IMMP2L: variants seen among roughly 807,000 people sequenced by gnomAD.
IMMP2L encodes the protein mitochondrial inner membrane protease subunit 2.
A neutral mutation model predicts 19.3 loss-of-function variants in IMMP2L; 18 were observed. The ratio of observed to expected loss-of-function variants is 0.93; its 90% confidence interval spans 0.64 to 1.38. The LOEUF (loss-of-function observed/expected upper bound fraction) is 1.38, where lower values mean the gene tolerates loss of function less well. Ranked by LOEUF, IMMP2L falls within the 40% of genes most tolerant of loss-of-function variation. The pLI, the probability that IMMP2L is intolerant of heterozygous loss-of-function variation, is 0.00. For synonymous variants in IMMP2L, 76 were observed against 73.0 expected (o/e 1.04, Z -0.21); for missense variants, 233 against 218.2 (o/e 1.07, Z -0.43).
chr7:110,759,154 A>G (rs1011422824), intron 5 of IMMP2L, among the ~76,000 whole-genome samples: 1 of 152,082 alleles, frequency 6.6e-6, no homozygotes, highest in African/African-American at 2.4e-5. Context: ...CCTTGGAGAC[A>G]CAGCTCAAAT....
chr7:111,377,014 T>C (rs1830733857), intron 3 of IMMP2L, among the ~76,000 whole-genome samples: 1 of 152,024 alleles, frequency 6.6e-6, no homozygotes. Flanking sequence ...AGTCATTGAA[T>C]TGTATACTTC....
intron 5 of IMMP2L, among the ~76,000 whole-genome samples, chr7:110,885,867 C>T (rs1233602262): frequency 2.0e-5 from 3 of 151,834 alleles, no homozygotes; most frequent in East Asian, 3.9e-4. Flanking sequence ...TGGCAGGGGG[C>T]GCAGAGGGGC....
chr7:110,932,272 C>A (rs1815577215), intron 4 of IMMP2L, among the ~76,000 whole-genome samples: 1 of 152,172 alleles, frequency 6.6e-6, no homozygotes, highest in Non-Finnish European at 1.5e-5. Context: ...TGAATCCCAA[C>A]AGAAGTCTTA....
chr7:111,096,356 G>A (rs1425620252), intron 3 of IMMP2L, among the ~76,000 whole-genome samples: 1 of 151,752 alleles, frequency 6.6e-6, no homozygotes, highest in Non-Finnish European at 1.5e-5. Flanking sequence ...ATAAATGTTA[G>A]TTCCCTTTTT....
intron 5 of IMMP2L, among the ~76,000 whole-genome samples, chr7:110,736,752 T>G (rs1434654529): frequency 6.6e-6 from 1 of 152,236 alleles, no homozygotes; most frequent in Non-Finnish European, 1.5e-5. Context: ...CGTTGCATTT[T>G]GGAAGCAAAA....
At chr7:110,698,399 A>C (rs892113783) in intron 5 of IMMP2L, among the ~76,000 whole-genome samples, 2 of 152,200 alleles carry the variant, frequency 1.3e-5, no homozygotes, top group African/African-American at 4.8e-5. Context: ...ATAATACTTA[A>C]GTAGCTGCCC....
chr7:110,704,038 A>G (rs765499064), intron 5 of IMMP2L, among the ~76,000 whole-genome samples: 27 of 151,884 alleles, frequency 1.8e-4, no homozygotes, highest in Admixed American at 4.6e-4. Flanking sequence ...TAGTAGAGAC[A>G]GGGTTTCACC....
chr7:110,694,966 G>A (rs74632020), intron 5 of IMMP2L, among the ~76,000 whole-genome samples: 18,899 of 151,532 alleles, frequency 0.12, 1,430 homozygotes, highest in South Asian at 0.29. Flanking sequence ...GACACAAAAG[G>A]TCATATATTG....
chr7:111,459,829 G>A (rs1839986203), intron 3 of IMMP2L, among the ~76,000 whole-genome samples: 2 of 152,168 alleles, frequency 1.3e-5, no homozygotes, highest in Non-Finnish European at 2.9e-5. Context: ...CCTATGGTAG[G>A]AGGATTACAA....
chr7:111,149,281 G>A (rs1665278117), intron 3 of IMMP2L, among the ~76,000 whole-genome samples: 1 of 152,052 alleles, frequency 6.6e-6, no homozygotes, highest in Non-Finnish European at 1.5e-5. Context: ...CTCAAAAAGT[G>A]GATCTAATAA....
chr7:111,501,563 C>G (rs1844260445), intron 2 of IMMP2L, among the ~76,000 whole-genome samples: 2 of 152,126 alleles, frequency 1.3e-5, no homozygotes, highest in South Asian at 4.1e-4. Context: ...ATGTTAAGGG[C>G]AGCCAGAGAG....
chr7:111,350,489 T>C (rs1828042158), intron 3 of IMMP2L, among the ~76,000 whole-genome samples: 1 of 152,028 alleles, frequency 6.6e-6, no homozygotes, highest in South Asian at 2.1e-4. Flanking sequence ...ACAGTAGGTG[T>C]TCAACACACT....
At chr7:111,493,355 A>T (rs1843269126) in intron 2 of IMMP2L, among the ~76,000 whole-genome samples, 1 of 152,184 alleles carries the variant, frequency 6.6e-6, no homozygotes, top group Admixed American at 6.5e-5. Flanking sequence ...TTCCTATGGC[A>T]CTATAAGAAC....
Position 111,199,560 on chromosome 7 carries a change from A to C in IMMP2L, c.240-235995T>G, listed in dbSNP as rs965429850. Among the ~76,000 whole-genome samples, 7 of 152,204 alleles carry C rather than the reference A, an allele frequency of 4.6e-5. 1 individual carries two copies. The highest frequency in any genetic ancestry group is 8.8e-5 in the Non-Finnish European group (6 of 68,008). ...ATCACTAAAGTTATTCTCCTGTAAC[A>C]ATGTTAACCTATATAATTTGATTTG... On this transcript the variant is annotated intron_variant, in intron 3 of 5. Coordinates refer to ENST00000405709, the MANE Select transcript of IMMP2L (RefSeq NM_032549.4).
intron 3 of IMMP2L, among the ~76,000 whole-genome samples, chr7:111,447,012 G>C (rs1351168791): frequency 4.3e-5 from 5 of 116,938 alleles, no homozygotes; most frequent in Non-Finnish European, 9.7e-5. Flanking sequence ...AGAGAAAAAA[G>C]AATAAAAAGA....
At chr7:111,016,598 C>G (rs1375111398) in intron 3 of IMMP2L, among the ~76,000 whole-genome samples, 1 of 106,578 alleles carries the variant, frequency 9.4e-6, no homozygotes, top group Admixed American at 1.3e-4. Context: ...TATATATGTA[C>G]TATATATTAT....
At chr7:110,777,982 A>T (rs1353813728) in intron 5 of IMMP2L, among the ~76,000 whole-genome samples, 2 of 151,978 alleles carry the variant, frequency 1.3e-5, no homozygotes, top group Non-Finnish European at 2.9e-5. Flanking sequence ...TTTTTACTGA[A>T]ACACCCACAC....
intron 1 of IMMP2L, among the ~76,000 whole-genome samples, chr7:111,538,616 T>C (rs375247171): frequency 8.0e-4 from 104 of 130,318 alleles, no homozygotes; most frequent in African/African-American, 2.8e-3. Context: ...CTGAGCAGCA[T>C]AGGAAGACCC....
intron 3 of IMMP2L, among the ~76,000 whole-genome samples, chr7:111,077,481 T>C (rs1162411657): frequency 2.0e-5 from 3 of 152,196 alleles, no homozygotes; most frequent in African/African-American, 7.2e-5. Context: ...TTTTGTCATA[T>C]CCCTTATACA....
Sources: gnomAD v4.1 joint callset for allele counts (sites outside exome capture counted in the v4.1 genomes callset) on GRCh38, gnomAD v4.1.1 for gene constraint, MANE v1.5 for transcripts, NCBI Gene and HGNC (gene_info 2026-07-23, HGNC 2026-07-21) for gene names.